TP63: variants seen among roughly 807,000 people sequenced by gnomAD.
TP63 encodes the protein tumor protein p63.
Under a neutral mutation model 82.8 loss-of-function variants are expected in TP63, and 17 were observed. The observed-to-expected ratio is 0.21, with a 90% CI of 0.14 to 0.31. The LOEUF (loss-of-function observed/expected upper bound fraction) is 0.31. Among genes scored for constraint, TP63 ranks in the 10% least tolerant of loss-of-function variants. The pLI, the probability that TP63 is intolerant of heterozygous loss-of-function variation, is 1.00. For synonymous variants in TP63, 330 were observed against 321.7 expected, an observed-to-expected ratio of 1.03 and a Z score of -0.28; for missense variants, 648 against 895.3, an observed-to-expected ratio of 0.72 and a Z score of 3.52.
Position 189,766,523 on chromosome 3 carries a change from CTCTT to C in TP63, c.324+27753_324+27756del, listed in dbSNP as rs1722972778. On this transcript the variant is annotated intron_variant, in intron 3 of 13. Transcript: ENST00000264731. ...AGTTGGTGAAAGGAGAAGTTCCTAA[CTCTT>C]TCTGTTACTCTCCTGTTCCTTTCTC... Among the ~76,000 whole-genome samples, 3 of 152,216 alleles carry C rather than the reference CTCTT, an allele frequency of 2.0e-5. No individual in the cohort carries two copies. The South Asian group carries it at 6.2e-4, about 32-fold the overall frequency.
Position 189,894,393 on chromosome 3 carries a change from C to G in TP63, c.1934C>G (p.Thr645Ser), listed in dbSNP as rs2108874316. Residue 645 changes from threonine to serine, a missense_variant, in exon 14 of 14, where the codon ACC becomes AGC. By Grantham distance (58) the Thr-to-Ser change is moderately conservative (BLOSUM62 1). Coordinates refer to ENST00000264731, the MANE Select transcript of TP63 (RefSeq NM_003722.5). ...GERVIDAVRFTLRQTISFPPR... is the reference protein window; with the variant it reads ...GERVIDAVRFSLRQTISFPPR... ...CGTGTTATTGATGCTGTGCGATTCACCCTCCGCCAGACCATCTCTTTCCCA... is the reference window on the plus strand; with the variant it reads ...CGTGTTATTGATGCTGTGCGATTCAGCCTCCGCCAGACCATCTCTTTCCCA... 6 of 1,613,990 alleles carry G rather than the reference C, an allele frequency of 3.7e-6. No individual in the cohort carries two copies. Among genetic ancestry groups the G allele is most frequent in the Non-Finnish European group, 5.1e-6 (6 of 1,179,992 alleles).
chr3:189,646,636 G>A (rs75579144), intron 1 of TP63, among the ~76,000 whole-genome samples: 4,250 of 145,960 alleles, frequency 0.029, 399 homozygotes, highest in Middle Eastern at 0.052. Context: ...TCCCTTTCAC[G>A]ACACATTGCT....
chr3:189,881,025 A>T, intron 10 of TP63: 1 of 985,402 alleles, frequency 1.0e-6, no homozygotes. Flanking sequence ...GCCCTTACGT[A>T]GTTGTTTACC....
intron 11 of TP63, among the ~76,000 whole-genome samples, chr3:189,887,257 TG>T (rs540311312): frequency 4.5e-4 from 69 of 151,950 alleles, no homozygotes; most frequent in African/African-American, 1.6e-3. Context: ...CTGGACTCTA[TG>T]AAAAAAATAC....
intron 1 of TP63, among the ~76,000 whole-genome samples, chr3:189,719,054 C>G (rs530015483): frequency 6.6e-6 from 1 of 151,992 alleles, no homozygotes; most frequent in South Asian, 2.1e-4. Flanking sequence ...TTCTCGGTTG[C>G]CGTAATTGAA....
chr3:189,877,995 C>T (rs1456465234), intron 10 of TP63, among the ~76,000 whole-genome samples: 2 of 151,968 alleles, frequency 1.3e-5, no homozygotes, highest in Admixed American at 1.3e-4. Context: ...GGACCACAGG[C>T]ACACCCCACT....
intron 3 of TP63, among the ~76,000 whole-genome samples, chr3:189,798,074 T>C (rs181639913): frequency 9.9e-5 from 15 of 152,196 alleles, no homozygotes; most frequent in Admixed American, 7.9e-4. Flanking sequence ...GTTATGCTTA[T>C]CTCTGTATCC....
intron 3 of TP63, among the ~76,000 whole-genome samples, chr3:189,769,169 T>C (rs1723158887): frequency 6.6e-6 from 1 of 152,216 alleles, no homozygotes; most frequent in South Asian, 2.1e-4. Flanking sequence ...AAATGGTCAC[T>C]GTTGTCATTC....
In TP63 at chr3:189,651,654, C is replaced by T. The variant is rs1712901569; in HGVS notation, c.62+20077C>T. 1.4e-5 allele frequency among the ~76,000 whole-genome samples: 2 copies of T among 146,198 alleles called. 1 individual carries two copies. ...AAGTAACGAGGAGCCGAATGTTAAT[C>T]ACTGAAACAATGGGGAAAATGTCTC... On this transcript the variant is annotated intron_variant, in intron 1 of 13. Coordinates refer to ENST00000264731, the MANE Select transcript of TP63 (RefSeq NM_003722.5).
intron 3 of TP63, among the ~76,000 whole-genome samples, chr3:189,805,891 GT>G (rs1249314986): frequency 3.3e-5 from 5 of 152,098 alleles, no homozygotes; most frequent in African/African-American, 1.2e-4. Flanking sequence ...CAAAACACAG[GT>G]TCCTCAGGTG....
chr3:189,678,111 G>A (rs1715603587), intron 1 of TP63, among the ~76,000 whole-genome samples: 1 of 151,870 alleles, frequency 6.6e-6, no homozygotes, highest in South Asian at 2.1e-4. Context: ...AGTCCCATTT[G>A]TCTATTTTGG....
the TP63 span, among the ~76,000 whole-genome samples, chr3:189,596,998 GCGAGACCA>G: frequency 6.6e-6 from 1 of 152,114 alleles, no homozygotes; most frequent in Non-Finnish European, 1.5e-5. Flanking sequence ...TCCTGAGCCA[GCGAGACCA>G]CGAACCCACC....
chr3:189,892,588 C>T (rs887777579), intron 13 of TP63, among the ~76,000 whole-genome samples: 7 of 151,954 alleles, frequency 4.6e-5, no homozygotes, highest in South Asian at 2.1e-4. Flanking sequence ...GTCAGGAGAC[C>T]GAGACCATCC....
chr3:189,700,146 T>G (rs2108737930), intron 1 of TP63, among the ~76,000 whole-genome samples: 1 of 152,260 alleles, frequency 6.6e-6, no homozygotes, highest in South Asian at 2.1e-4. Context: ...GTGCAATAAC[T>G]TGAGGTTAAA....
At chr3:189,774,999 C>G (rs1388029711) in intron 3 of TP63, among the ~76,000 whole-genome samples, 1 of 152,046 alleles carries the variant, frequency 6.6e-6, no homozygotes, top group Non-Finnish European at 1.5e-5. Context: ...GGGCAGATCA[C>G]GAGTTCAGGA....
the TP63 span, among the ~76,000 whole-genome samples, chr3:189,614,671 C>A: frequency 6.6e-6 from 1 of 152,084 alleles, no homozygotes; most frequent in Non-Finnish European, 1.5e-5. Context: ...ATACTGGATT[C>A]GGGACAGAGG....
In TP63 at chr3:189,889,332, C is replaced by G; in HGVS notation, c.1508-8C>G. On this transcript the variant is annotated splice_region_variant and splice_polypyrimidine_tract_variant and intron_variant, in intron 11 of 13. Coordinates refer to ENST00000264731, the MANE Select transcript of TP63 (RefSeq NM_003722.5). ...GTAACCCTTTTTGTTCCTCCTGCTTCTGTTCAGTTCCCATGATGGGCACCC... is the reference window on the plus strand; with the variant it reads ...GTAACCCTTTTTGTTCCTCCTGCTTGTGTTCAGTTCCCATGATGGGCACCC... 6.2e-7 allele frequency: 1 copy of G among 1,614,180 alleles called. No individual in the cohort carries two copies. The highest frequency in any genetic ancestry group is 8.5e-7 in the Non-Finnish European group (1 of 1,180,024).
At chr3:189,779,289 TC>T (rs2108572940) in intron 3 of TP63, among the ~76,000 whole-genome samples, 1 of 152,328 alleles carries the variant, frequency 6.6e-6, no homozygotes, top group Non-Finnish European at 1.5e-5. Context: ...GATAATGTTT[TC>T]TTACAAAATC....
intron 1 of TP63, among the ~76,000 whole-genome samples, chr3:189,675,850 T>C (rs1035853386): frequency 6.6e-6 from 1 of 152,148 alleles, no homozygotes; most frequent in East Asian, 1.9e-4. Context: ...TTAATTCTTA[T>C]GGAAAATGTT....
Sources: gnomAD v4.1 joint callset for allele counts (sites outside exome capture counted in the v4.1 genomes callset) on GRCh38, gnomAD v4.1.1 for gene constraint, MANE v1.5 for transcripts, NCBI Gene and HGNC (gene_info 2026-07-23, HGNC 2026-07-21) for gene names.